CAPS2: variants seen among roughly 807,000 people sequenced by gnomAD.
CAPS2 encodes calcyphosine 2, also known as calcyphosin-2.
A neutral mutation model predicts 86.5 loss-of-function variants in CAPS2; 98 were observed. The ratio of observed to expected loss-of-function variants is 1.13; its 90% CI spans 0.96 to 1.34. The LOEUF is 1.34. Ranked by LOEUF, CAPS2 falls within the 40% of genes most tolerant of loss-of-function variation. CAPS2 has a pLI of 0.00. For synonymous variants in CAPS2, 210 were observed against 225.1 expected, an observed-to-expected ratio of 0.93 and a Z score of 0.60; for missense variants, 729 against 686.8, an observed-to-expected ratio of 1.06 and a Z score of -0.69.
At chr12:75,388,161 C>T (rs1266387619) in intron 1 of CAPS2, among the ~76,000 whole-genome samples, 2 of 152,084 alleles carry the variant, frequency 1.3e-5, no homozygotes, top group Non-Finnish European at 2.9e-5. Context: ...CTCATGAGAT[C>T]TGATGGTTTT....
intron 8 of CAPS2, among the ~76,000 whole-genome samples, chr12:75,300,416 C>A (rs566757728): frequency 6.6e-6 from 1 of 151,664 alleles, no homozygotes; most frequent in Non-Finnish European, 1.5e-5. Context: ...ATTAGCCGGG[C>A]GTGGTGGTGG....
At chr12:75,340,148 AT>A (rs1273284121) in intron 1 of CAPS2, among the ~76,000 whole-genome samples, 17 of 149,722 alleles carry the variant, frequency 1.1e-4, no homozygotes, top group Non-Finnish European at 2.4e-4. Context: ...TATATATAAA[AT>A]ATATATGTAT....
intron 11 of CAPS2, among the ~76,000 whole-genome samples, chr12:75,293,941 A>AT (rs1160955661): frequency 5.3e-5 from 8 of 151,052 alleles, no homozygotes; most frequent in Middle Eastern, 3.2e-3. Context: ...TATAATTTTT[A>AT]TTTTTTTTTG....
chr12:75,305,646 G>T (rs1206315036), intron 7 of CAPS2: 1 of 634,232 alleles, frequency 1.6e-6, no homozygotes, highest in African/African-American at 1.8e-5. Flanking sequence ...GCGGAGAAGG[G>T]CGGCGCCCAC....
At chr12:75,304,377 T>C (rs764874349) in intron 8 of CAPS2, among the ~76,000 whole-genome samples, 11 of 152,178 alleles carry the variant, frequency 7.2e-5, no homozygotes, top group African/African-American at 1.2e-4. Context: ...TTGAAAAAGC[T>C]ACAACGTAAA....
exon 14 of CAPS2, chr12:75,289,699 G>C (rs1272329999): frequency 1.2e-6 from 2 of 1,612,650 alleles, no homozygotes; most frequent in African/African-American, 2.7e-5. Context: ...TTCCTTCCTT[G>C]TCCAACTGTT....
At chr12:75,383,259 G>A (rs982224637) in intron 1 of CAPS2, among the ~76,000 whole-genome samples, 1 of 152,102 alleles carries the variant, frequency 6.6e-6, no homozygotes, top group African/African-American at 2.4e-5. Flanking sequence ...AACATTGTCA[G>A]CAAACCCCAC....
upstream of CAPS2, chr12:75,334,974 G>A: frequency 7.1e-7 from 1 of 1,414,546 alleles, no homozygotes; most frequent in Non-Finnish European, 9.7e-7. Context: ...AAATTTCACG[G>A]ACTTAACTTG....
intron 1 of CAPS2, among the ~76,000 whole-genome samples, chr12:75,340,731 G>GT (rs1193143887): frequency 1.4e-5 from 2 of 142,452 alleles, no homozygotes; most frequent in African/African-American, 2.6e-5. Context: ...AAACTCAACA[G>GT]TAAAAAAAAA....
chr12:75,316,799 G>A (rs561668774), intron 5 of CAPS2, among the ~76,000 whole-genome samples: 1 of 152,152 alleles, frequency 6.6e-6, no homozygotes, highest in South Asian at 2.1e-4. Context: ...TTGAATCTTT[G>A]AAAAATTAAT....
At position 75,289,777 on chromosome 12, in the gene CAPS2, T is replaced by G; in HGVS notation, c.1241-2A>C. 1 of 1,606,872 alleles carries G rather than the reference T, an allele frequency of 6.2e-7. No homozygotes were observed. The highest frequency in any genetic ancestry group is 2.2e-5 in the East Asian group (1 of 44,708). ...TATGTAGTTTTTCTTTTAGCACATC[T>G]GTTCAACAAGAAGAGAGATGAAAAC... On this transcript the variant is annotated splice_acceptor_variant, in intron 13 of 16. Coordinates refer to ENST00000393284, the Ensembl canonical transcript of CAPS2. LOFTEE classifies it high-confidence loss of function.
chr12:75,333,915 T>A (rs1488359456), upstream of CAPS2: 2 of 152,220 alleles, frequency 1.3e-5, no homozygotes, highest in African/African-American at 4.8e-5. Context: ...TTTAAAACAT[T>A]AAGCCAAATG....
chr12:75,326,942 G>A (rs2040839634), upstream of CAPS2, among the ~76,000 whole-genome samples: 1 of 152,138 alleles, frequency 6.6e-6, no homozygotes, highest in Non-Finnish European at 1.5e-5. Context: ...AGGTGAAGAT[G>A]CTAGGCATTC....
intron 7 of CAPS2, among the ~76,000 whole-genome samples, chr12:75,311,724 CAAAAAAA>C (rs1188952105): frequency 1.9e-4 from 3 of 15,656 alleles, no homozygotes; most frequent in East Asian, 1.8e-3. Context: ...AAAAAAAAAA[CAAAAAAA>C]AAAAAAAAAA....
At chr12:75,325,200 G>A in intron 2 of CAPS2, 39 bp downstream of exon 3, 1 of 1,519,946 alleles carries the variant, frequency 6.6e-7, no homozygotes, top group South Asian at 1.3e-5. Flanking sequence ...TTATATATGT[G>A]CCCATTAAAC....
At chr12:75,298,919 T>C in exon 10 of CAPS2, 5 of 1,610,904 alleles carry the variant, frequency 3.1e-6, no homozygotes, top group Non-Finnish European at 4.2e-6. Context: ...GGATTGGTCA[T>C]GAGTGAAAAA....
intron 1 of CAPS2, among the ~76,000 whole-genome samples, chr12:75,352,697 T>C (rs2042893588): frequency 6.6e-6 from 1 of 152,184 alleles, no homozygotes; most frequent in South Asian, 2.1e-4. Flanking sequence ...CAACAGAATA[T>C]ACATTCTTCT....
chr12:75,330,204 G>A, upstream of CAPS2: 1 of 238,340 alleles, frequency 4.2e-6, no homozygotes, highest in Non-Finnish European at 8.0e-6. Context: ...CCGCTGCCTG[G>A]CTGACCGGAA....
intron 1 of CAPS2, among the ~76,000 whole-genome samples, chr12:75,384,960 T>A (rs1195441789): frequency 3.3e-5 from 5 of 152,192 alleles, no homozygotes; most frequent in African/African-American, 1.2e-4. Flanking sequence ...AATGAACCAA[T>A]ACATTCATAG....
Sources: allele counts gnomAD v4.1 joint callset (sites outside exome capture counted in the v4.1 genomes callset), GRCh38; gene constraint gnomAD v4.1.1; transcripts MANE v1.5; gene names NCBI Gene and HGNC (gene_info 2026-07-23, HGNC 2026-07-21).